Variants in TPGS2 observed in about 807,000 individuals in gnomAD.
TPGS2 encodes the protein tubulin polyglutamylase complex subunit 2.
TPGS2 carries 26 observed loss-of-function variants against 31.1 expected under a neutral mutation model. The ratio of observed to expected loss-of-function variants is 0.84; its 90% CI spans 0.61 to 1.16. The LOEUF (loss-of-function observed/expected upper bound fraction) is 1.16. TPGS2 is among the 50% of genes most tolerant of loss of function. The pLI is 0.00. For missense variants in TPGS2, 351 were observed against 363.8 expected (o/e 0.96, Z 0.29); for synonymous variants, 130 against 136.6 (o/e 0.95, Z 0.34).
intron 4 of TPGS2, among the ~76,000 whole-genome samples, chr18:36,802,137 T>A (rs1024094365): frequency 1.3e-5 from 2 of 152,246 alleles, no homozygotes; most frequent in African/African-American, 2.4e-5. Flanking sequence ...TTTTATATAT[T>A]TTGTCTGTTG....
chr18:36,820,860 A>G (rs1322618254), intron 1 of TPGS2: 1 of 152,260 alleles, frequency 6.6e-6, no homozygotes, highest in African/African-American at 2.4e-5. Context: ...GCAATATCTG[A>G]ATAGGCATAG....
rs774961679 is a variant in TPGS2 at position 36,828,804 on chromosome 18, T to C, written c.-37A>G. 1.2e-6 allele frequency: 2 copies of C among 1,606,554 alleles called. No homozygotes were observed. The highest frequency in any genetic ancestry group is 2.2e-5 in the East Asian group (1 of 44,734). The stretch of plus-strand genomic sequence containing the variant: ...GCGATTCGCGCGCGGCGGGAGCGGG[T>C]GGAGGGCCGGACCCCGCCTCAGCGC... On this transcript the variant is annotated 5_prime_UTR_variant, in exon 1 of 7. Transcript: ENST00000334295.
intron 3 of TPGS2, 62 bp from the exon 4 acceptor site, chr18:36,805,564 T>C (rs2045081293): frequency 2.5e-6 from 4 of 1,603,078 alleles, no homozygotes; most frequent in Non-Finnish European, 3.4e-6. Flanking sequence ...ATGGTTATCA[T>C]GAGATTCTGC....
downstream of TPGS2, among the ~76,000 whole-genome samples, chr18:36,782,748 CCA>C (rs1401954364): frequency 3.3e-5 from 5 of 152,160 alleles, no homozygotes; most frequent in Non-Finnish European, 7.3e-5. Context: ...CACTGTGTGC[CCA>C]GACATCTCTG....
At chr18:36,821,322 C>G (rs1314492962) in intron 1 of TPGS2, among the ~76,000 whole-genome samples, 1 of 152,070 alleles carries the variant, frequency 6.6e-6, no homozygotes, top group African/African-American at 2.4e-5. Flanking sequence ...TTTGATGATT[C>G]CAGTCCCAGC....
rs1393197339 is a variant in TPGS2, at chr18:36,800,222, G to T, written c.472C>A (p.Leu158Ile). Residue 158 changes from leucine (L) to isoleucine (I), a missense_variant, in exon 5 of 7, where the codon CTT (leucine) becomes ATT (isoleucine). Leu to Ile is a conservative substitution (Grantham distance 5). Coordinates refer to ENST00000334295, the MANE Select transcript of TPGS2 (RefSeq NM_015476.4). ...DSCNGSGKVC[L>I]VYKSGKPALA... ...CCTGGTTTCCCACTTTTGTAGACAA[G>T]GCAAACTTTCCCACTGCCATTGCAT... The T allele has an allele frequency of 6.2e-7, 1 of 1,614,006 alleles. No individual in the cohort carries two copies. Among genetic ancestry groups the T allele is most frequent in the Non-Finnish European group, 8.5e-7 (1 of 1,180,016 alleles).
chr18:36,828,971 A>T lies in TPGS2; in HGVS notation c.-204T>A. The T allele has an allele frequency of 9.7e-7, 1 of 1,030,110 alleles. No individual in the cohort carries two copies. Among genetic ancestry groups the T allele is most frequent in the South Asian group, 1.8e-5 (1 of 56,900 alleles). The allele number at this position is 1,030,110 out of a possible 1,614,324, so 63.8% of individuals were successfully genotyped here. A position where few individuals can be genotyped will look rare whatever the true frequency, so the allele number is the denominator to read the frequency against. ...CCCGCGGCCCCGCCCGGTGCCCCAC[A>T]CCGCACCTCCGGGACGTAGCTTCCC... On this transcript the variant is annotated 5_prime_UTR_variant, in exon 1 of 7. Coordinates refer to ENST00000334295, the MANE Select transcript of TPGS2 (RefSeq NM_015476.4).
intron 1 of TPGS2, among the ~76,000 whole-genome samples, chr18:36,822,770 T>A (rs541069629): frequency 2.2e-4 from 34 of 151,762 alleles, no homozygotes; most frequent in East Asian, 5.8e-4. Flanking sequence ...AATTAAAAAA[T>A]TTTTTTTTGT....
Position 36,796,629 on chromosome 18 carries a change from C to T in TPGS2, c.*176G>A. 1 of 1,389,816 alleles carries T rather than the reference C, an allele frequency of 7.2e-7. No individual in the cohort carries two copies. The highest frequency in any genetic ancestry group is 9.3e-7 in the Non-Finnish European group (1 of 1,077,830). 86.1% of individuals were successfully genotyped at this position (1,389,816 alleles called of 1,614,324 possible). ...GAGGCAGGGGACAGCACAACCTGCTCTGGAGGCCTCACTACGAGCCTGGCT... is the reference window on the plus strand; with the variant it reads ...GAGGCAGGGGACAGCACAACCTGCTTTGGAGGCCTCACTACGAGCCTGGCT... On this transcript the variant is annotated 3_prime_UTR_variant, in exon 7 of 7. Transcript: ENST00000334295.
At chr18:36,782,977 G>A (rs556446085), downstream of TPGS2, 41 of 397,684 alleles carry the variant, frequency 1.0e-4, no homozygotes, top group East Asian at 1.2e-3. Context: ...GGACAGAGGT[G>A]AACCCAGAGC....
rs751359617 is a variant in TPGS2, at chr18:36,805,362, G to A, written c.382+12C>T. 1 of 1,613,400 alleles carries A rather than the reference G, an allele frequency of 6.2e-7. No homozygotes were observed. The highest frequency in any genetic ancestry group is 1.3e-5 in the African/African-American group (1 of 75,030). On this transcript the variant is annotated intron_variant, in intron 4 of 6. Transcript: ENST00000334295. ...GCTGGAAACAAAGATACCAACCTTG[G>A]TATCTTCCTACCTTCATGTGTATCG... is the stretch of plus-strand genomic sequence containing the variant.
At position 36,803,320 on chromosome 18, in the gene TPGS2, T is replaced by C. The variant is rs558977937; in HGVS notation, c.382+2054A>G. Among the ~76,000 whole-genome samples the C allele has an allele frequency of 2.0e-5, 3 of 152,338 alleles. No homozygotes were observed. In the South Asian group the frequency reaches 6.2e-4, roughly 32 times the overall value. ...GCCTCTGGTAACCACTGCTGATCTG[T>C]TACCTGTTATCTGTGCTGGTTCTCA... On this transcript the variant is annotated intron_variant, in intron 4 of 6. Coordinates refer to ENST00000334295, the MANE Select transcript of TPGS2 (RefSeq NM_015476.4).
chr18:36,786,982 C>T (rs2044147623), intron 6 of TPGS2: 1 of 1,234,388 alleles, frequency 8.1e-7, no homozygotes, highest in South Asian at 4.1e-5. Context: ...AGTCCCCATG[C>T]CTGCAGAGAC....
At chr18:36,811,731 C>T (rs1827664385) in intron 2 of TPGS2, among the ~76,000 whole-genome samples, 1 of 152,168 alleles carries the variant, frequency 6.6e-6, no homozygotes, top group Non-Finnish European at 1.5e-5. Context: ...GCTCGACACT[C>T]TTTCTGACTT....
rs771794435 is a variant in TPGS2, at chr18:36,823,941, AC to A, written c.85+4741del. 4.9e-6 allele frequency: 4 copies of A among 818,770 alleles called. No individual in the cohort carries two copies. The South Asian group carries it at 1.7e-4, about 34-fold the overall frequency. The allele number at this position is 818,770 out of a possible 1,614,324, so 50.7% of individuals were successfully genotyped here. A position where few individuals can be genotyped will look rare whatever the true frequency, so the allele number is the denominator to read the frequency against. On this transcript the variant is annotated intron_variant, in intron 1 of 6. Transcript: ENST00000334295. Reference sequence around the variant, plus strand: ...CCTTTTTAAAAATAGCTTTACTGAGACATAATTCGCATACCATAATTTATAA... The same window carrying A: ...CCTTTTTAAAAATAGCTTTACTGAGAATAATTCGCATACCATAATTTATAA...
At chr18:36,788,707 G>C (rs2044207620) in intron 6 of TPGS2, 1 of 152,048 alleles carries the variant, frequency 6.6e-6, no homozygotes, top group Non-Finnish European at 1.5e-5. Flanking sequence ...GTTTTGTTTT[G>C]TTTTTAATTT....
chr18:36,781,373 G>T (rs555185371), downstream of TPGS2, among the ~76,000 whole-genome samples: 5 of 152,308 alleles, frequency 3.3e-5, no homozygotes, highest in South Asian at 1.0e-3. Flanking sequence ...ACCTCTGTAG[G>T]CCGGGTGCGG....
At chr18:36,790,571 G>A (rs2044275727), downstream of TPGS2, among the ~76,000 whole-genome samples, 1 of 152,158 alleles carries the variant, frequency 6.6e-6, no homozygotes, top group Admixed American at 6.5e-5. Context: ...GCTAGTAAGT[G>A]GCAAGAGGCA....
At chr18:36,780,741 T>C (rs2043990059), downstream of TPGS2, among the ~76,000 whole-genome samples, 1 of 152,186 alleles carries the variant, frequency 6.6e-6, no homozygotes. Flanking sequence ...TTTGTAAATA[T>C]ACCTAAACAT....
Sources: gnomAD v4.1 joint callset for allele counts (sites outside exome capture counted in the v4.1 genomes callset) on GRCh38, gnomAD v4.1.1 for gene constraint, MANE v1.5 for transcripts, NCBI Gene and HGNC (gene_info 2026-07-23, HGNC 2026-07-21) for gene names.